PTPN6: variants seen among roughly 807,000 people sequenced by gnomAD.
The protein encoded by PTPN6 is protein tyrosine phosphatase non-receptor type 6.
PTPN6 carries 18 observed loss-of-function variants against 81.5 expected under a neutral mutation model. The ratio of observed to expected loss-of-function variants is 0.22; its 90% confidence interval spans 0.15 to 0.33. PTPN6 has a LOEUF of 0.33. PTPN6 is among the 10% of genes least tolerant of loss of function. PTPN6 has a pLI of 1.00. For synonymous variants in PTPN6, 301 were observed against 310.9 expected (o/e 0.97, Z 0.33); for missense variants, 500 against 794.2 (o/e 0.63, Z 4.45).
In PTPN6 at chr12:6,957,709, A is replaced by G. The variant is rs782674280; in HGVS notation, c.1130A>G (p.Tyr377Cys). ...EVGMQRAYGP[Y>C]SVTNCGEHDT... ...GGCATGCAGCGTGCTTATGGGCCCTACTCTGTGACCAACTGCGGGGAGCAT... is the reference window on the plus strand; with the variant it reads ...GGCATGCAGCGTGCTTATGGGCCCTGCTCTGTGACCAACTGCGGGGAGCAT... The change falls in exon 10 of 16, where the codon TAC becomes TGC. Residue 377 changes from tyrosine (Y) to cysteine (C), a missense_variant. By Grantham distance (194) the Tyr-to-Cys change is radical (BLOSUM62 -2). Transcript: ENST00000318974. The surrounding 1 kb of genome is among the most constrained non-coding windows in gnomAD (Gnocchi z 6.5). 1 of 1,613,228 alleles carries G rather than the reference A, an allele frequency of 6.2e-7. No individual in the cohort carries two copies. The highest frequency in any genetic ancestry group is 8.5e-7 in the Non-Finnish European group (1 of 1,179,834).
Position 6,955,096 on chromosome 12 carries a change from G to A in PTPN6, c.517-55G>A. On this transcript the variant is annotated intron_variant, in intron 4 of 15. Transcript: ENST00000318974. This position sits in a 1 kb window ranked among gnomAD's most constrained non-coding sequence, Gnocchi z 7.2. ...TGCCTGGGCTTGAATTCAAGGCTGG[G>A]GACCCAGGGAGGGAGACTCAAGTCC... The A allele has an allele frequency of 6.2e-7, 1 of 1,609,128 alleles. No individual in the cohort carries two copies. The highest frequency in any genetic ancestry group is 8.5e-7 in the Non-Finnish European group (1 of 1,175,484).
Position 6,954,229 on chromosome 12 carries a change from A to G in PTPN6, c.327-576A>G, listed in dbSNP as rs1002167967. ...CCGCCTCCCTGGCGGAGCGCACCCC[A>G]TCCGCCTTCCTTGTGACTTGAGTCT... On this transcript the variant is annotated intron_variant, in intron 3 of 15. Coordinates refer to ENST00000318974, the MANE Select transcript of PTPN6 (RefSeq NM_002831.6). The surrounding 1 kb of genome is among the most constrained non-coding windows in gnomAD (Gnocchi z 5.4). Among the ~76,000 whole-genome samples the G allele has an allele frequency of 3.5e-4, 54 of 152,246 alleles. No individual in the cohort carries two copies. Among genetic ancestry groups the G allele is most frequent in the African/African-American group, 1.2e-3 (50 of 41,550 alleles).
chr12:6,952,048 GGGA>G lies in PTPN6; in HGVS notation c.199_201del (p.Glu67del), dbSNP rs1555147861. 1 of 1,614,154 alleles carries G rather than the reference GGGA, an allele frequency of 6.2e-7. No homozygotes were observed. The highest frequency in any genetic ancestry group is 8.5e-7 in the Non-Finnish European group (1 of 1,180,034). On this transcript the variant is annotated inframe_deletion, in exon 3 of 16. Coordinates refer to ENST00000318974, the MANE Select transcript of PTPN6 (RefSeq NM_002831.6). This position sits in a 1 kb window ranked among gnomAD's most constrained non-coding sequence, Gnocchi z 8.1. ...GGGGATTTCTATGACCTGTATGGAG[GGGA>G]GAAGTTTGCGACTCTGACAGAGCTG...
chr12:6,961,133 C>T lies in PTPN6; in HGVS notation c.*33C>T, dbSNP rs957641111. 2 of 926,470 alleles carry T rather than the reference C, an allele frequency of 2.2e-6. No individual in the cohort carries two copies. The highest frequency in any genetic ancestry group is 3.3e-5 in the African/African-American group (2 of 60,392). The allele number at this position is 926,470 out of a possible 1,614,324, so 57.4% of individuals were successfully genotyped here. On this transcript the variant is annotated 3_prime_UTR_variant, in exon 16 of 16. Coordinates refer to ENST00000318974, the MANE Select transcript of PTPN6 (RefSeq NM_002831.6). Reference sequence around the variant, plus strand: ...ACTCCCTTCTCTTGGCAGCCTCAGCCCTGACCCTGTGGAAGCATTTCGCGA... The same window carrying T: ...ACTCCCTTCTCTTGGCAGCCTCAGCTCTGACCCTGTGGAAGCATTTCGCGA...
Position 6,960,408 on chromosome 12 carries a change from A to T in PTPN6, c.1646A>T (p.His549Leu). Reference protein sequence around the residue: ...ITYPPAMKNAHAKASRTSSKH... With the variant: ...ITYPPAMKNALAKASRTSSKH... Reference sequence around the variant, plus strand: ...TATCCCCCAGCCATGAAGAATGCCCATGCCAAGGCCTCCCGCACCTCGTCC... The same window carrying T: ...TATCCCCCAGCCATGAAGAATGCCCTTGCCAAGGCCTCCCGCACCTCGTCC... The change falls in exon 14 of 16, where the codon CAT becomes CTT. Residue 549 changes from histidine to leucine, a missense_variant. Transcript: ENST00000318974. The surrounding 1 kb of genome is among the most constrained non-coding windows in gnomAD (Gnocchi z 6.1). 10 of 1,613,878 alleles carry T rather than the reference A, an allele frequency of 6.2e-6. No homozygotes were observed. Among genetic ancestry groups the T allele is most frequent in the Non-Finnish European group, 8.5e-6 (10 of 1,180,002 alleles).
At position 6,959,818 on chromosome 12, in the gene PTPN6, G is replaced by A; in HGVS notation, c.1362-109G>A. On this transcript the variant is annotated intron_variant, in intron 11 of 15. Transcript: ENST00000318974. The surrounding 1 kb of genome is among the most constrained non-coding windows in gnomAD (Gnocchi z 6.6). ...CCTGGGCACATTCCCTCCCATCACTGGAGGCTCAGGCTGCTCCTGTGGTGC... is the reference window on the plus strand; with the variant it reads ...CCTGGGCACATTCCCTCCCATCACTAGAGGCTCAGGCTGCTCCTGTGGTGC... The A allele has an allele frequency of 1.7e-6, 2 of 1,196,204 alleles. No homozygotes were observed. Among genetic ancestry groups the A allele is most frequent in the Non-Finnish European group, 2.5e-6 (2 of 810,886 alleles). The allele number at this position is 1,196,204 out of a possible 1,614,324, so 74.1% of individuals were successfully genotyped here.
upstream of PTPN6, among the ~76,000 whole-genome samples, chr12:6,948,273 ACTACTAC>A (rs1565578092): frequency 1.3e-4 from 19 of 151,908 alleles, no homozygotes; most frequent in African/African-American, 4.6e-4. Context: ...TACGACTACT[ACTACTAC>A]TAATAAATAG....
rs1276765437 is a variant in PTPN6, at chr12:6,960,713, G to T, written c.1674-93G>T. 4 of 1,551,584 alleles carry T rather than the reference G, an allele frequency of 2.6e-6. No individual in the cohort carries two copies. The East Asian group carries it at 7.3e-5, about 28-fold the overall frequency. On this transcript the variant is annotated intron_variant, in intron 14 of 15. Coordinates refer to ENST00000318974, the MANE Select transcript of PTPN6 (RefSeq NM_002831.6). The surrounding 1 kb of genome is among the most constrained non-coding windows in gnomAD (Gnocchi z 6.1). ...GTGGCTGCGTCACCTGTGAGACGGGGTGGCCAGAGGGGACTGCCAGTGCCG... is the reference window on the plus strand; with the variant it reads ...GTGGCTGCGTCACCTGTGAGACGGGTTGGCCAGAGGGGACTGCCAGTGCCG...
At chr12:6,948,252 T>G (rs782296346), upstream of PTPN6, among the ~76,000 whole-genome samples, 1 of 151,916 alleles carries the variant, frequency 6.6e-6, no homozygotes, top group African/African-American at 2.4e-5. Flanking sequence ...AGACCTCATC[T>G]CTACTACGAC....
Position 6,954,778 on chromosome 12 carries a change from T to C in PTPN6, c.327-27T>C. 6.2e-7 allele frequency: 1 copy of C among 1,609,690 alleles called. No individual in the cohort carries two copies. The highest frequency in any genetic ancestry group is 8.5e-7 in the Non-Finnish European group (1 of 1,178,962). On this transcript the variant is annotated intron_variant, in intron 3 of 15. Coordinates refer to ENST00000318974, the MANE Select transcript of PTPN6 (RefSeq NM_002831.6). The surrounding 1 kb of genome is among the most constrained non-coding windows in gnomAD (Gnocchi z 5.4). ...GCGCCTTCCCCTGTGGCCTGGGTCT[T>C]ACCTTCCCTGACGCTGCCTTCTCTA...
chr12:6,961,219 A>G lies in PTPN6; in HGVS notation c.*119A>G, dbSNP rs1946133923. 8.9e-6 allele frequency: 4 copies of G among 449,466 alleles called. No homozygotes were observed. In the East Asian group the frequency reaches 1.9e-4, roughly 21 times the overall value. The allele number at this position is 449,466 out of a possible 1,614,324, so 27.8% of individuals were successfully genotyped here. A position where few individuals can be genotyped will look rare whatever the true frequency, so the allele number is the denominator to read the frequency against. ...ATTCTTTTGTAATTTAAATGGCTGCATCCCCCCCACCTCTCCCTGACCCTG... is the reference window on the plus strand; with the variant it reads ...ATTCTTTTGTAATTTAAATGGCTGCGTCCCCCCCACCTCTCCCTGACCCTG... On this transcript the variant is annotated 3_prime_UTR_variant, in exon 16 of 16. Coordinates refer to ENST00000318974, the MANE Select transcript of PTPN6 (RefSeq NM_002831.6).
At chr12:6,947,668 CAAAAAA>C (rs112544780), upstream of PTPN6, among the ~76,000 whole-genome samples, 9 of 64,810 alleles carry the variant, frequency 1.4e-4, no homozygotes, top group East Asian at 6.2e-4. Flanking sequence ...GACCTTGTCT[CAAAAAA>C]AAAAAAAAAA....
At position 6,960,954 on chromosome 12, in the gene PTPN6, CT is replaced by C. The variant is rs1555149878; in HGVS notation, c.*25+11del. On this transcript the variant is annotated intron_variant, in intron 15 of 15. Transcript: ENST00000318974. This position sits in a 1 kb window ranked among gnomAD's most constrained non-coding sequence, Gnocchi z 6.1. ...GTCCTCAGGTGGCCATGGTACAGCT[CT>C]TCTGCCTGGGTGTCCTCCCTGCCCT... The C allele has an allele frequency of 6.4e-7, 1 of 1,554,540 alleles. No homozygotes were observed. Among genetic ancestry groups the C allele is most frequent in the South Asian group, 1.2e-5 (1 of 84,282 alleles).
At chr12:6,953,890 C>A (rs368303216) in intron 3 of PTPN6, among the ~76,000 whole-genome samples, 6 of 152,266 alleles carry the variant, frequency 3.9e-5, no homozygotes, top group East Asian at 3.9e-4. Context: ...TCCTTCCCCC[C>A]ATCCCTGCGG....
Position 6,960,921 on chromosome 12 carries a change from G to A in PTPN6, c.*1G>A. 2 of 1,563,374 alleles carry A rather than the reference G, an allele frequency of 1.3e-6. No individual in the cohort carries two copies. The highest frequency in any genetic ancestry group is 8.7e-7 in the Non-Finnish European group (1 of 1,153,508). Reference sequence around the variant, plus strand: ...CAAGGGTTCCCTCAAGAGGAAGTGAGCGGTGCTGTCCTCAGGTGGCCATGG... The same window carrying A: ...CAAGGGTTCCCTCAAGAGGAAGTGAACGGTGCTGTCCTCAGGTGGCCATGG... On this transcript the variant is annotated 3_prime_UTR_variant, in exon 15 of 16. Transcript: ENST00000318974. The surrounding 1 kb of genome is among the most constrained non-coding windows in gnomAD (Gnocchi z 6.1).
Position 6,959,927 on chromosome 12 carries a change from C to T in PTPN6, c.1362C>T (p.Ser454=), listed in dbSNP as rs376685795. Residue 454 remains serine, a splice_region_variant and synonymous_variant, in exon 12 of 16, where the codon AGC becomes AGT. Coordinates refer to ENST00000318974, the MANE Select transcript of PTPN6 (RefSeq NM_002831.6). The surrounding 1 kb of genome is among the most constrained non-coding windows in gnomAD (Gnocchi z 6.6). ...TGATGGCACCCCCGTCTTTCCCCAG[C>T]GCCGGCATCGGCCGCACAGGCACCA... ...PHAGPIIVHC[S]AGIGRTGTII... The T allele has an allele frequency of 5.0e-5, 81 of 1,610,480 alleles. No homozygotes were observed. The highest frequency in any genetic ancestry group is 3.7e-4 in the African/African-American group (28 of 74,740).
chr12:6,946,711 C>A (rs1945823998), upstream of PTPN6: 2 of 1,611,574 alleles, frequency 1.2e-6, no homozygotes, highest in South Asian at 2.2e-5. Context: ...GTGGCTTCCC[C>A]CTCCCTACAG....
At chr12:6,947,776 G>A (rs782319704), upstream of PTPN6, among the ~76,000 whole-genome samples, 4 of 152,230 alleles carry the variant, frequency 2.6e-5, no homozygotes, top group Non-Finnish European at 5.9e-5. Context: ...TTCCCGAGGA[G>A]GTGACATTTG....
At chr12:6,949,011 TG>T (rs1945882128), upstream of PTPN6, among the ~76,000 whole-genome samples, 1 of 150,572 alleles carries the variant, frequency 6.6e-6, no homozygotes, top group South Asian at 2.1e-4. Flanking sequence ...AGTTTGTGGG[TG>T]GGTGGCTCCC....
Sources: allele counts gnomAD v4.1 joint callset (sites outside exome capture counted in the v4.1 genomes callset), GRCh38; gene constraint gnomAD v4.1.1; non-coding constraint Gnocchi (gnomAD v3.1); transcripts MANE v1.5; gene names NCBI Gene and HGNC (gene_info 2026-07-23, HGNC 2026-07-21).